The following P3H1 variants were observed in gnomAD, a reference collection of about 807,000 sequenced individuals.
The protein encoded by P3H1 is growth suppressor 1.
A neutral mutation model predicts 84.0 loss-of-function variants in P3H1; 69 were observed. The ratio of observed to expected loss-of-function variants is 0.82; its 90% CI spans 0.68 to 1.00. P3H1 has a LOEUF of 1.00. P3H1 is among the 50% of genes least tolerant of loss of function. The pLI, the probability that P3H1 is intolerant of heterozygous loss-of-function variation, is 0.00. For synonymous variants in P3H1, 366 were observed against 388.8 expected, an observed-to-expected ratio of 0.94 and a Z score of 0.69; for missense variants, 878 against 962.8, an observed-to-expected ratio of 0.91 and a Z score of 1.17.
At chr1:42,755,662 C>A in intron 5 of P3H1, 25 bp from the exon 6 acceptor site, 3 of 1,572,266 alleles carry the variant, frequency 1.9e-6, no homozygotes, top group South Asian at 2.2e-5. Flanking sequence ...GCAAACAAAT[C>A]CCCCAGAACT....
chr1:42,750,388 T>A lies in P3H1; in HGVS notation c.1570-52A>T. ...CCCTCAACGACTGATATGGTTTGGC[T>A]CTGTGTCCCTACCCAAATCTTATCT... On this transcript the variant is annotated intron_variant, in intron 10 of 14. Coordinates refer to ENST00000296388, the MANE Select transcript of P3H1 (RefSeq NM_022356.4). 1.9e-6 allele frequency: 3 copies of A among 1,604,344 alleles called. No homozygotes were observed. The South Asian group carries it at 3.3e-5, about 18-fold the overall frequency.
intron 12 of P3H1, 95 bp from the exon 13 acceptor site, chr1:42,747,893 T>C (rs1651819733): frequency 8.5e-7 from 1 of 1,182,350 alleles, no homozygotes; most frequent in South Asian, 1.2e-5. Context: ...AGCAGGAGGG[T>C]GGCTTTGTGT....
chr1:42,746,615 G>T lies in P3H1; in HGVS notation c.*82C>A. 1 of 1,185,606 alleles carries T rather than the reference G, an allele frequency of 8.4e-7. No individual in the cohort carries two copies. The highest frequency in any genetic ancestry group is 1.2e-6 in the Non-Finnish European group (1 of 816,108). 73.4% of individuals were successfully genotyped at this position (1,185,606 alleles called of 1,614,324 possible). ...GCAGATGTAGGCTCACTGCTCTGCA[G>T]CCCCGAGGGGCTGGCCAGCTCAGAG... On this transcript the variant is annotated 3_prime_UTR_variant, in exon 15 of 15. Coordinates refer to ENST00000296388, the MANE Select transcript of P3H1 (RefSeq NM_022356.4).
In P3H1 at chr1:42,766,585, G is replaced by C; in HGVS notation, c.387C>G (p.Ala129=). 1 of 1,610,410 alleles carries C rather than the reference G, an allele frequency of 6.2e-7. No homozygotes were observed. Among genetic ancestry groups the C allele is most frequent in the Middle Eastern group, 1.7e-4 (1 of 6,046 alleles). ...CLRRCLGPPA[A]HSLSEEMELE... is the part of the protein sequence containing the mutation. ...GCTCCATCTCTTCGCTGAGCGAGTG[G>C]GCGGCCGGCGGCCCGAGGCAGCGGC... is the stretch of plus-strand genomic sequence containing the variant. The change falls in exon 1 of 15, where the codon GCC becomes GCG. Residue 129 remains alanine (A), a synonymous_variant. Coordinates refer to ENST00000296388, the MANE Select transcript of P3H1 (RefSeq NM_022356.4).
At chr1:42,755,270 A>G in intron 6 of P3H1, 53 bp from the exon 7 acceptor site, 1 of 1,545,466 alleles carries the variant, frequency 6.5e-7, no homozygotes, top group East Asian at 2.2e-5. Flanking sequence ...TTAATCTTCC[A>G]GGTGTCTCAA....
At chr1:42,747,505 G>T in intron 13 of P3H1, 93 bp from the exon 14 acceptor site, 2 of 1,315,556 alleles carry the variant, frequency 1.5e-6, no homozygotes, top group Non-Finnish European at 2.2e-6. Flanking sequence ...TCACGACCGA[G>T]GGCAGCTCTT....
chr1:42,755,289 A>T (rs1418343072), intron 6 of P3H1, 72 bp from the exon 7 acceptor site: 1 of 1,431,418 alleles, frequency 7.0e-7, no homozygotes, highest in African/African-American at 1.4e-5. Context: ...AATGCATAAA[A>T]TAAGGCCCAC....
In P3H1 at chr1:42,754,907, G is replaced by A. The variant is rs143729962; in HGVS notation, c.1307C>T (p.Thr436Ile). Reference sequence around the variant, plus strand: ...TCTGCTCACATCCAGTGACTCCTTGGTCTTCTCTTCCACAAGGGTCTCGAT... The same window carrying A: ...TCTGCTCACATCCAGTGACTCCTTGATCTTCTCTTCCACAAGGGTCTCGAT... ...KEIETLVEEK[T>I]KESLDVSRLT... The change falls in exon 8 of 15, where the codon ACC (threonine) becomes ATC (isoleucine). Residue 436 changes from threonine (T) to isoleucine (I), a missense_variant. Physicochemically the swap from Thr to Ile is moderately conservative, Grantham distance 89. Transcript: ENST00000296388. This position sits in a 1 kb window ranked among gnomAD's most constrained non-coding sequence, Gnocchi z 4.0. 48 of 1,614,142 alleles carry A rather than the reference G, an allele frequency of 3.0e-5. No homozygotes were observed. The African/African-American group carries it at 5.3e-4, about 18-fold the overall frequency.
At position 42,766,648 on chromosome 1, in the gene P3H1, G is replaced by A. The variant is rs1376374810; in HGVS notation, c.324C>T (p.Ser108=). 6.4e-6 allele frequency: 10 copies of A among 1,571,924 alleles called. No individual in the cohort carries two copies. The Admixed American group carries it at 1.8e-4, about 29-fold the overall frequency. ...CGCGACGCAGAAGGCCCCCGAAGAA[G>A]CTCAGGTCGCGCAGGGCGGCGGCGC... ...ASGAAALRDL[S]FFGGLLRRAA... The change falls in exon 1 of 15, where the codon AGC becomes AGT. Residue 108 remains serine, a synonymous_variant. Transcript: ENST00000296388.
chr1:42,748,117 G>T, intron 12 of P3H1, 83 bp downstream of exon 12: 1 of 979,940 alleles, frequency 1.0e-6, no homozygotes, highest in Non-Finnish European at 1.6e-6. Context: ...GTGTGTGCTA[G>T]GGTGGGGTAG....
intron 9 of P3H1, 79 bp downstream of exon 9, chr1:42,752,458 G>A (rs919432946): frequency 1.7e-5 from 28 of 1,611,218 alleles, no homozygotes; most frequent in African/African-American, 9.3e-5. Context: ...AGAGGAAGGC[G>A]AAGGCTACCA....
intron 5 of P3H1, 38 bp from the exon 6 acceptor site, chr1:42,755,675 G>A: frequency 6.5e-7 from 1 of 1,543,006 alleles, no homozygotes; most frequent in South Asian, 1.1e-5. Flanking sequence ...CCAGAACTCA[G>A]CCCTGTCTTT....
rs538936362 is a variant in P3H1, at chr1:42,748,209, C to T, written c.1829G>A (p.Arg610His). ...CCTGCCCCGCACTCACCTGTAGTCG[C>T]GGAAGGTGTAGGCTGGGGGCTCTTT... ...CVKEPPAYTFRDYSAILYLNG... is the reference protein window; with the variant it reads ...CVKEPPAYTFHDYSAILYLNG... The change falls in exon 12 of 15, where the codon CGC (arginine) becomes CAC (histidine). Residue 610 changes from arginine to histidine, a missense_variant. Transcript: ENST00000296388. 1.7e-5 allele frequency: 27 copies of T among 1,613,280 alleles called. No homozygotes were observed. The highest frequency in any genetic ancestry group is 1.6e-4 in the East Asian group (7 of 44,868).
Position 42,750,659 on chromosome 1 carries a change from T to TG in P3H1, c.1570-324dup, listed in dbSNP as rs1232774164. On this transcript the variant is annotated intron_variant, in intron 10 of 14. Coordinates refer to ENST00000296388, the MANE Select transcript of P3H1 (RefSeq NM_022356.4). ...CGTCCGGGAGGGAGGCCGGGGGGGGTGGTCGGCCAGCCGCCCCGTCCGGGA... is the reference window on the plus strand; with the variant it reads ...CGTCCGGGAGGGAGGCCGGGGGGGGTGGGTCGGCCAGCCGCCCCGTCCGGGA... Among the ~76,000 whole-genome samples, 30 of 41,872 alleles carry TG rather than the reference T, an allele frequency of 7.2e-4. 9 individuals carry two copies. The highest frequency in any genetic ancestry group is 1.3e-3 in the African/African-American group (14 of 10,796). The allele number at this position is 41,872 out of a possible 152,430, so 27.5% of individuals were successfully genotyped here. A position where few individuals can be genotyped will look rare whatever the true frequency, so the allele number is the denominator to read the frequency against.
chr1:42,756,758 G>A (rs577145499), intron 5 of P3H1, among the ~76,000 whole-genome samples: 9 of 152,288 alleles, frequency 5.9e-5, no homozygotes, highest in Middle Eastern at 3.4e-3. Flanking sequence ...TGTGTCTGGA[G>A]CTGTGCCTGC....
At position 42,755,003 on chromosome 1, in the gene P3H1, C is replaced by T; in HGVS notation, c.1224-13G>A. On this transcript the variant is annotated splice_polypyrimidine_tract_variant and intron_variant, in intron 7 of 14. Coordinates refer to ENST00000296388, the MANE Select transcript of P3H1 (RefSeq NM_022356.4). ...TTCCCGTTCTGACCTATGAGCACAGCCGCTCTGAGGACTGCATTCCAGGGC... is the reference window on the plus strand; with the variant it reads ...TTCCCGTTCTGACCTATGAGCACAGTCGCTCTGAGGACTGCATTCCAGGGC... The T allele has an allele frequency of 6.2e-7, 1 of 1,614,156 alleles. No individual in the cohort carries two copies. The highest frequency in any genetic ancestry group is 2.2e-5 in the East Asian group (1 of 44,868).
At chr1:42,764,392 A>C (rs1409868769) in intron 1 of P3H1, among the ~76,000 whole-genome samples, 1 of 144,460 alleles carries the variant, frequency 6.9e-6, no homozygotes. Context: ...TCGCCACTGC[A>C]CTCCAGCCTG....
chr1:42,759,472 C>G (rs1466213153), intron 2 of P3H1, 82 bp from the exon 3 acceptor site: 12 of 1,224,006 alleles, frequency 9.8e-6, no homozygotes, highest in Non-Finnish European at 1.4e-5. Flanking sequence ...TCACAGGGGT[C>G]CTAATTTCCT....
chr1:42,757,495 C>A (rs1488523980), intron 5 of P3H1, among the ~76,000 whole-genome samples: 1 of 152,100 alleles, frequency 6.6e-6, no homozygotes, highest in Non-Finnish European at 1.5e-5. Flanking sequence ...GTTAGGGGTG[C>A]CAAGAGGGGA....
Sources: gnomAD v4.1 joint callset for allele counts (sites outside exome capture counted in the v4.1 genomes callset) on GRCh38, gnomAD v4.1.1 for gene constraint, Gnocchi (gnomAD v3.1) non-coding constraint, MANE v1.5 for transcripts, NCBI Gene and HGNC (gene_info 2026-07-23, HGNC 2026-07-21) for gene names.